SEMA3A: variants seen among roughly 807,000 people sequenced by gnomAD.
SEMA3A encodes semaphorin 3A.
Under a neutral mutation model 97.9 loss-of-function variants are expected in SEMA3A, and 29 were observed. The observed-to-expected ratio is 0.30, with a 90% CI of 0.22 to 0.40. The LOEUF (loss-of-function observed/expected upper bound fraction) is 0.40, where lower values mean the gene tolerates loss of function less well. Among genes scored for constraint, SEMA3A ranks in the 10% least tolerant of loss-of-function variants. SEMA3A has a pLI of 1.00. For synonymous variants in SEMA3A, 321 were observed against 323.7 expected, an observed-to-expected ratio of 0.99 and a Z score of 0.09; for missense variants, 763 against 951.3, an observed-to-expected ratio of 0.80 and a Z score of 2.60.
chr7:84,147,863 G>T (rs1796508237), intron 1 of SEMA3A, among the ~76,000 whole-genome samples: 1 of 151,994 alleles, frequency 6.6e-6, no homozygotes, highest in Non-Finnish European at 1.5e-5. Context: ...TACCTCAGAG[G>T]TTATTTTTTT....
intron 6 of SEMA3A, among the ~76,000 whole-genome samples, chr7:84,035,730 A>G (rs1248591434): frequency 6.6e-6 from 1 of 151,988 alleles, no homozygotes; most frequent in Non-Finnish European, 1.5e-5. Flanking sequence ...TCGAGCTTCT[A>G]CTGAATAGAA....
chr7:84,455,772 G>A (rs913356789), intron 1 of SEMA3A, among the ~76,000 whole-genome samples: 2 of 151,864 alleles, frequency 1.3e-5, no homozygotes, highest in Non-Finnish European at 2.9e-5. Flanking sequence ...AGTTACAAAT[G>A]TTTCCAAATT....
intron 1 of SEMA3A, among the ~76,000 whole-genome samples, chr7:84,403,446 C>T (rs183962183): frequency 4.6e-5 from 7 of 152,318 alleles, no homozygotes; most frequent in Non-Finnish European, 1.0e-4. Context: ...GGCCTGCTGC[C>T]TCTGTAGGCT....
At chr7:83,988,727 A>C (rs1374822630) in intron 12 of SEMA3A, among the ~76,000 whole-genome samples, 1 of 152,106 alleles carries the variant, frequency 6.6e-6, no homozygotes, top group Non-Finnish European at 1.5e-5. Context: ...ATTTTACACA[A>C]AAATTATCAA....
At chr7:84,136,549 C>T (rs945264822) in intron 1 of SEMA3A, among the ~76,000 whole-genome samples, 4 of 152,146 alleles carry the variant, frequency 2.6e-5, no homozygotes, top group African/African-American at 9.7e-5. Context: ...AATAGAGCCA[C>T]GCTTAAAGCT....
intron 1 of SEMA3A, among the ~76,000 whole-genome samples, chr7:84,395,358 GA>G (rs35236072): frequency 0.36 from 51,464 of 141,728 alleles, 10,527 homozygotes; most frequent in African/African-American, 0.57. Flanking sequence ...AAACCCATAG[GA>G]AAAAAAAAAA....
chr7:84,029,715 A>G (rs1791667967), intron 6 of SEMA3A, among the ~76,000 whole-genome samples: 2 of 152,060 alleles, frequency 1.3e-5, no homozygotes, highest in African/African-American at 4.8e-5. Context: ...GTCATTTGAG[A>G]ATATCTGATA....
intron 15 of SEMA3A, among the ~76,000 whole-genome samples, chr7:83,966,602 A>G (rs962903916): frequency 1.3e-5 from 2 of 152,204 alleles, no homozygotes; most frequent in Non-Finnish European, 2.9e-5. Flanking sequence ...TTAACTATCA[A>G]TCACGATCAA....
chr7:84,247,469 A>G lies in SEMA3A; in HGVS notation c.-82-52801T>C, dbSNP rs112361197. The stretch of plus-strand genomic sequence containing the variant: ...AGTTAACAGTTATAATAAAGTTGGT[A>G]TGGATAACATATGTAATTGGGAAAA... On this transcript the variant is annotated intron_variant, in intron 3 of 3. Transcript: ENST00000424555. Among the ~76,000 whole-genome samples the G allele has an allele frequency of 3.3e-5, 5 of 152,308 alleles. 1 individual carries two copies. The highest frequency in any genetic ancestry group is 1.2e-4 in the African/African-American group (5 of 41,576).
intron 3 of SEMA3A, among the ~76,000 whole-genome samples, chr7:84,296,435 T>C (rs1328333510): frequency 1.3e-5 from 2 of 152,178 alleles, no homozygotes; most frequent in African/African-American, 4.8e-5. Flanking sequence ...TTACATATTA[T>C]CCAGTAATAA....
upstream of SEMA3A, among the ~76,000 whole-genome samples, chr7:84,198,945 A>C (rs1403382479): frequency 6.6e-6 from 1 of 152,304 alleles, no homozygotes; most frequent in East Asian, 1.9e-4. Flanking sequence ...TACGTATTAA[A>C]GTATTTACAC....
In SEMA3A at chr7:84,458,926, GT is replaced by G. The variant is rs34949986; in HGVS notation, c.-246+33533del. ...ATTCCTTTTATTTAACCATATTTTT[GT>G]ACTCATTAGCCAACTCCTCTTCATT... On this transcript the variant is annotated intron_variant, in intron 1 of 3. Coordinates refer to the SEMA3A transcript ENST00000424555. Among the ~76,000 whole-genome samples the G allele has an allele frequency of 0.014, 2,051 of 151,342 alleles. 93 individuals are homozygous for G. In the East Asian group the frequency reaches 0.16, roughly 12 times the overall value.
chr7:84,241,022 T>C (rs1359113319), intron 3 of SEMA3A, among the ~76,000 whole-genome samples: 1 of 152,242 alleles, frequency 6.6e-6, no homozygotes, highest in East Asian at 1.9e-4. Context: ...GTGCTTGGGT[T>C]GGTTCCAAGT....
intron 1 of SEMA3A, among the ~76,000 whole-genome samples, chr7:84,489,705 T>C (rs1806669193): frequency 6.6e-6 from 1 of 151,788 alleles, no homozygotes; most frequent in African/African-American, 2.4e-5. Context: ...GAGTGGCTGT[T>C]GAAAGCTCCT....
intron 6 of SEMA3A, among the ~76,000 whole-genome samples, chr7:84,035,376 G>T (rs1320100770): frequency 6.6e-6 from 1 of 151,762 alleles, no homozygotes; most frequent in Non-Finnish European, 1.5e-5. Context: ...AAAATTACTG[G>T]CATGTAAAAA....
At chr7:84,154,680 A>G (rs201696851) in intron 1 of SEMA3A, among the ~76,000 whole-genome samples, 6 of 10,462 alleles carry the variant, frequency 5.7e-4, no homozygotes, top group Non-Finnish European at 1.5e-3. Flanking sequence ...AGTCTCAGGG[A>G]AAAAAAAAAA....
intron 5 of SEMA3A, among the ~76,000 whole-genome samples, chr7:84,048,160 G>C (rs1792434624): frequency 6.6e-6 from 1 of 152,024 alleles, no homozygotes; most frequent in African/African-American, 2.4e-5. Flanking sequence ...AATTGTTCTT[G>C]TATGTCATCC....
intron 3 of SEMA3A, among the ~76,000 whole-genome samples, chr7:84,281,774 C>T (rs1181492073): frequency 6.6e-6 from 1 of 152,028 alleles, no homozygotes; most frequent in East Asian, 1.9e-4. Flanking sequence ...TCAATGTCTA[C>T]AGCTATAAAA....
At chr7:84,048,803 C>T (rs1039700079) in intron 5 of SEMA3A, among the ~76,000 whole-genome samples, 50 of 151,964 alleles carry the variant, frequency 3.3e-4, no homozygotes, top group Non-Finnish European at 3.5e-4. Context: ...TCATTCTTAT[C>T]ATTTAGCTTT....
Sources: gnomAD v4.1 joint callset for allele counts (sites outside exome capture counted in the v4.1 genomes callset) on GRCh38, gnomAD v4.1.1 for gene constraint, MANE v1.5 for transcripts, NCBI Gene and HGNC (gene_info 2026-07-23, HGNC 2026-07-21) for gene names.